Variants in CDH12 observed in about 807,000 individuals in gnomAD.
The protein encoded by CDH12 is cadherin-12.
CDH12 carries 41 observed loss-of-function variants against 74.1 expected under a neutral mutation model. The ratio of observed to expected loss-of-function variants is 0.55; its 90% CI spans 0.43 to 0.72. CDH12 has a LOEUF of 0.72. CDH12 is among the 30% of genes least tolerant of loss of function. The pLI, the probability that CDH12 is intolerant of heterozygous loss-of-function variation, is 0.00. For synonymous variants in CDH12, 399 were observed against 355.0 expected (o/e 1.12, Z -1.39); for missense variants, 945 against 977.2 (o/e 0.97, Z 0.44).
chr5:21,934,900 C>A (rs938812248), intron 6 of CDH12, among the ~76,000 whole-genome samples: 1 of 152,266 alleles, frequency 6.6e-6, no homozygotes, highest in African/African-American at 2.4e-5. Context: ...CATTCTCCTG[C>A]CTCAGCCTCC....
At chr5:22,585,391 T>G (rs1001427881) in intron 1 of CDH12, among the ~76,000 whole-genome samples, 1 of 152,170 alleles carries the variant, frequency 6.6e-6, no homozygotes, top group Non-Finnish European at 1.5e-5. Context: ...TTTTTACCTA[T>G]ACTGTTTGAG....
chr5:22,801,481 C>T (rs76402757), intron 1 of CDH12, among the ~76,000 whole-genome samples: 1 of 151,778 alleles, frequency 6.6e-6, no homozygotes, highest in African/African-American at 2.4e-5. Context: ...TCTTAGATTG[C>T]TTTTCAATTA....
At chr5:22,801,989 C>T (rs1203876504) in intron 1 of CDH12, among the ~76,000 whole-genome samples, 2 of 151,796 alleles carry the variant, frequency 1.3e-5, no homozygotes, top group Admixed American at 1.3e-4. Context: ...CCTTAATATC[C>T]CTTATACTTT....
intron 3 of CDH12, among the ~76,000 whole-genome samples, chr5:22,233,590 G>C (rs755410086): frequency 1.3e-5 from 2 of 152,134 alleles, no homozygotes; most frequent in Non-Finnish European, 2.9e-5. Context: ...ATATTAATGT[G>C]AGTGATCAAA....
rs185557512 is a variant in CDH12 at position 22,555,699 on chromosome 5, G to A, written c.-522-50335C>T. Reference sequence around the variant, plus strand: ...GACATTATAGTAGATGTGTGCTTTAGACCTATTTTTCAATTCAGGGCTTCC... The same window carrying A: ...GACATTATAGTAGATGTGTGCTTTAAACCTATTTTTCAATTCAGGGCTTCC... On this transcript the variant is annotated intron_variant, in intron 1 of 14. Transcript: ENST00000382254. Among the ~76,000 whole-genome samples, 56 of 151,960 alleles carry A rather than the reference G, an allele frequency of 3.7e-4. No individual in the cohort carries two copies. In the East Asian group the frequency reaches 7.7e-3, roughly 21 times the overall value.
At chr5:22,433,356 A>C (rs1009127164) in intron 2 of CDH12, among the ~76,000 whole-genome samples, 1 of 152,186 alleles carries the variant, frequency 6.6e-6, no homozygotes, top group Non-Finnish European at 1.5e-5. Flanking sequence ...GGGTACTGAT[A>C]AAAGTTTTCC....
intron 1 of CDH12, among the ~76,000 whole-genome samples, chr5:22,625,608 T>A (rs1738245909): frequency 6.6e-6 from 1 of 152,166 alleles, no homozygotes; most frequent in Admixed American, 6.5e-5. Flanking sequence ...TTGGGTAGTG[T>A]TAGACCTGGA....
chr5:22,185,568 T>TGTC (rs1335821971), intron 4 of CDH12, among the ~76,000 whole-genome samples: 1 of 152,236 alleles, frequency 6.6e-6, no homozygotes, highest in African/African-American at 2.4e-5. Context: ...ATTCACAGTG[T>TGTC]GTCCCTTTTC....
At chr5:22,306,137 C>T (rs954415121) in intron 3 of CDH12, among the ~76,000 whole-genome samples, 2 of 151,942 alleles carry the variant, frequency 1.3e-5, no homozygotes, top group Admixed American at 6.6e-5. Context: ...TTCTTTTGCC[C>T]CCCTCTACTA....
intron 8 of CDH12, among the ~76,000 whole-genome samples, chr5:21,826,373 G>C (rs920550391): frequency 6.6e-6 from 1 of 152,136 alleles, no homozygotes; most frequent in Middle Eastern, 3.2e-3. Flanking sequence ...CCATGAACTA[G>C]AATCTGCTTC....
intron 1 of CDH12, among the ~76,000 whole-genome samples, chr5:22,798,012 A>G (rs1748316740): frequency 6.6e-6 from 1 of 152,172 alleles, no homozygotes; most frequent in South Asian, 2.1e-4. Context: ...TTGTTTTGTC[A>G]GGAAGCCTTA....
At chr5:22,763,976 G>A (rs1018511664) in intron 1 of CDH12, among the ~76,000 whole-genome samples, 2 of 151,776 alleles carry the variant, frequency 1.3e-5, no homozygotes, top group Non-Finnish European at 2.9e-5. Context: ...GCTCTCTTTG[G>A]CTTACAAAAT....
intron 1 of CDH12, among the ~76,000 whole-genome samples, chr5:22,589,274 G>T (rs144585905): frequency 1.3e-5 from 2 of 152,082 alleles, no homozygotes; most frequent in Non-Finnish European, 2.9e-5. Flanking sequence ...ATGAAGACAC[G>T]AGGAACAAAA....
At chr5:21,968,963 C>A (rs1396532304) in intron 6 of CDH12, among the ~76,000 whole-genome samples, 1 of 151,210 alleles carries the variant, frequency 6.6e-6, no homozygotes, top group African/African-American at 2.4e-5. Context: ...GAACAATACA[C>A]ACTGAGGCTT....
chr5:21,846,647 A>G (rs187063413), intron 7 of CDH12, among the ~76,000 whole-genome samples: 1 of 152,018 alleles, frequency 6.6e-6, no homozygotes, highest in Admixed American at 6.6e-5. Flanking sequence ...CTTTCTCCCC[A>G]TCTTCTACAT....
chr5:22,038,200 C>T lies in CDH12; in HGVS notation c.231+40246G>A, dbSNP rs534487025. Among the ~76,000 whole-genome samples, 3 of 152,242 alleles carry T rather than the reference C, an allele frequency of 2.0e-5. 1 individual carries two copies. In the South Asian group the frequency reaches 6.2e-4, roughly 32 times the overall value. ...GCTCTGGAGGCCACTGGCCTAATAC[C>T]CTTCCATCCTTGAGGTTTCACTACA... On this transcript the variant is annotated intron_variant, in intron 5 of 14. Coordinates refer to ENST00000382254, the MANE Select transcript of CDH12 (RefSeq NM_004061.5).
chr5:22,742,191 GAAGAAAGA>G (rs10684584), intron 1 of CDH12, among the ~76,000 whole-genome samples: 1 of 149,666 alleles, frequency 6.7e-6, no homozygotes, highest in Non-Finnish European at 1.5e-5. Flanking sequence ...CAAAAAAAAA[GAAGAAAGA>G]AAGAAAGAAA....
At chr5:22,181,109 G>A (rs1156452516) in intron 4 of CDH12, among the ~76,000 whole-genome samples, 1 of 152,020 alleles carries the variant, frequency 6.6e-6, no homozygotes, top group Admixed American at 6.6e-5. Flanking sequence ...TTATCAAGAA[G>A]CGTTGTATAC....
intron 2 of CDH12, among the ~76,000 whole-genome samples, chr5:22,479,891 T>C (rs1441476904): frequency 6.6e-6 from 1 of 152,190 alleles, no homozygotes; most frequent in Admixed American, 6.5e-5. Context: ...ATCAACACAT[T>C]AAATTCTCAG....
Sources: allele counts gnomAD v4.1 joint callset (sites outside exome capture counted in the v4.1 genomes callset), GRCh38; gene constraint gnomAD v4.1.1; transcripts MANE v1.5; gene names NCBI Gene and HGNC (gene_info 2026-07-23, HGNC 2026-07-21).